Variants in AGFG2 observed in about 807,000 individuals in gnomAD.
The protein encoded by AGFG2 is arf-GAP domain and FG repeat-containing protein 2.
In AGFG2, 31 loss-of-function variants were observed where a neutral mutation model predicts 48.0. That is an observed-to-expected ratio of 0.65 (90% CI 0.49 to 0.87). The LOEUF is 0.87. AGFG2 is among the 40% of genes least tolerant of loss of function. The pLI, the probability that AGFG2 is intolerant of heterozygous loss-of-function variation, is 0.00. For missense variants in AGFG2, 599 were observed against 632.6 expected (o/e 0.95, Z 0.57); for synonymous variants, 229 against 260.8 (o/e 0.88, Z 1.18).
chr7:100,548,824 G>C lies in AGFG2; in HGVS notation c.224G>C (p.Arg75Thr), dbSNP rs754702167. The part of the protein sequence containing the change: ...FVCTTCSGLL[R>T]GLNPPHRVKS... ...TTCTTCCTGTTTCTCTCCCATAGGAGAGGGCTGAACCCCCCTCATCGTGTC... is the reference window on the plus strand; with the variant it reads ...TTCTTCCTGTTTCTCTCCCATAGGACAGGGCTGAACCCCCCTCATCGTGTC... Residue 75 changes from arginine to threonine, a missense_variant and splice_region_variant, in exon 2 of 12, where the codon AGA (arginine) becomes ACA (threonine). Physicochemically the swap from Arg to Thr is moderately conservative, Grantham distance 71. Coordinates refer to ENST00000300176, the MANE Select transcript of AGFG2 (RefSeq NM_006076.5). 4.3e-6 allele frequency: 7 copies of C among 1,612,156 alleles called. No individual in the cohort carries two copies. The highest frequency in any genetic ancestry group is 5.9e-6 in the Non-Finnish European group (7 of 1,178,520).
At chr7:100,543,996 T>C (rs1013010867) in intron 1 of AGFG2, among the ~76,000 whole-genome samples, 1 of 152,236 alleles carries the variant, frequency 6.6e-6, no homozygotes, top group Non-Finnish European at 1.5e-5. Context: ...GTCATTTGAA[T>C]CTTAAGACGT....
At position 100,559,395 on chromosome 7, in the gene AGFG2, G is replaced by A. The variant is rs552843460; in HGVS notation, c.878-2864G>A. ...AGAGAGGAGATTTTGAGAGGTGGGT[G>A]TCTCTTCTGACAAACCTGCTTTTAT... On this transcript the variant is annotated intron_variant, in intron 6 of 11. Coordinates refer to ENST00000300176, the MANE Select transcript of AGFG2 (RefSeq NM_006076.5). Among the ~76,000 whole-genome samples the A allele has an allele frequency of 2.0e-4, 31 of 152,266 alleles. No homozygotes were observed. The South Asian group carries it at 6.4e-3, about 32-fold the overall frequency.
chr7:100,562,891 CGCCCAGTCCCCGCT>C lies in AGFG2; in HGVS notation c.1120_1133del (p.Gln374PhefsTer184). The C allele has an allele frequency of 6.2e-7, 1 of 1,614,158 alleles. No homozygotes were observed. The highest frequency in any genetic ancestry group is 8.5e-7 in the Non-Finnish European group (1 of 1,180,014). ...TCACTAACCCTTTCACAGCTCCCGC[CGCCCAGTCCCCGCT>C]GCCTTCCACCAACCCGTTCCAGCCC... On this transcript the variant is annotated frameshift_variant, in exon 9 of 12. Transcript: ENST00000300176. LOFTEE classifies it high-confidence loss of function. The surrounding 1 kb of genome is among the most constrained non-coding windows in gnomAD (Gnocchi z 5.4).
intron 4 of AGFG2, among the ~76,000 whole-genome samples, chr7:100,553,801 G>A (rs1283550943): frequency 6.6e-6 from 1 of 152,224 alleles, no homozygotes; most frequent in Admixed American, 6.5e-5. Context: ...GAAGGTTGAG[G>A]AGTAACAGCC....
At position 100,565,428 on chromosome 7, in the gene AGFG2, G is replaced by A. The variant is rs1011291305; in HGVS notation, c.*437G>A. The stretch of plus-strand genomic sequence containing the variant: ...TCCTGAGACCCAGAAGGCCCAGGTG[G>A]CCCAAGTGCTCTTGGTGGCCCAGCT... On this transcript the variant is annotated 3_prime_UTR_variant, in exon 12 of 12. Coordinates refer to ENST00000300176, the MANE Select transcript of AGFG2 (RefSeq NM_006076.5). The A allele has an allele frequency of 1.2e-5, 2 of 162,030 alleles. No homozygotes were observed. Among genetic ancestry groups the A allele is most frequent in the African/African-American group, 4.8e-5 (2 of 41,604 alleles). 10.0% of individuals were successfully genotyped at this position (162,030 alleles called of 1,614,324 possible). A position where few individuals can be genotyped will look rare whatever the true frequency, so the allele number is the denominator to read the frequency against.
At chr7:100,548,683 G>C (rs1319923215) in intron 1 of AGFG2, 139 bp from the exon 2 acceptor site, 3 of 610,832 alleles carry the variant, frequency 4.9e-6, no homozygotes, top group Non-Finnish European at 5.9e-6. Flanking sequence ...TTAGGAAGTA[G>C]CTTCAGATGG....
intron 6 of AGFG2, 143 bp downstream of exon 6, chr7:100,555,878 A>G (rs1800750794): frequency 8.4e-7 from 1 of 1,191,014 alleles, no homozygotes; most frequent in Admixed American, 2.3e-5. Context: ...GGAGAGGATG[A>G]GCGTGTCTGA....
intron 1 of AGFG2, among the ~76,000 whole-genome samples, chr7:100,547,216 G>T (rs1800529666): frequency 8.1e-6 from 1 of 123,902 alleles, no homozygotes; most frequent in Non-Finnish European, 1.6e-5. Flanking sequence ...TGTTCTCCCA[G>T]ACTTGGCAGG....
intron 6 of AGFG2, among the ~76,000 whole-genome samples, chr7:100,559,924 AC>A (rs1800830646): frequency 6.6e-6 from 1 of 152,030 alleles, no homozygotes; most frequent in Non-Finnish European, 1.5e-5. Context: ...CAAAGGGCCA[AC>A]CCTGCCTGGG....
At chr7:100,554,315 G>A (rs1286121819) in intron 5 of AGFG2, 57 bp downstream of exon 5, 5 of 1,535,918 alleles carry the variant, frequency 3.3e-6, no homozygotes, top group Non-Finnish European at 4.4e-6. Flanking sequence ...CAACATGAGA[G>A]ATCCAGTCCC....
rs1013542495 is a variant in AGFG2, at chr7:100,562,477, C to T, written c.998+98C>T. The T allele has an allele frequency of 4.4e-6, 7 of 1,596,974 alleles. No homozygotes were observed. In the Admixed American group the frequency reaches 8.6e-5, roughly 20 times the overall value. ...CCCATCGGCATCTCCTGGCAGTTCT[C>T]CCCTCCCCTCCTCTCCCTTACTCAC... On this transcript the variant is annotated intron_variant, in intron 7 of 11. Coordinates refer to ENST00000300176, the MANE Select transcript of AGFG2 (RefSeq NM_006076.5). The surrounding 1 kb of genome is among the most constrained non-coding windows in gnomAD (Gnocchi z 5.4).
chr7:100,546,163 C>G (rs1384439586), intron 1 of AGFG2, among the ~76,000 whole-genome samples: 1 of 148,956 alleles, frequency 6.7e-6, no homozygotes, highest in East Asian at 2.0e-4. Context: ...GTCTGCCGCC[C>G]CCCCCGCCCG....
chr7:100,546,176 A>AC (rs1364890351), intron 1 of AGFG2, among the ~76,000 whole-genome samples: 3 of 62,188 alleles, frequency 4.8e-5, no homozygotes, highest in African/African-American at 1.2e-4. Flanking sequence ...CCCGCCCGCC[A>AC]CCCCCACCAA....
chr7:100,548,782 C>T, intron 1 of AGFG2, 40 bp from the exon 2 acceptor site: 1 of 1,509,972 alleles, frequency 6.6e-7, no homozygotes, highest in South Asian at 1.1e-5. Flanking sequence ...GCCATGCTAA[C>T]TGCATTATAC....
intron 1 of AGFG2, among the ~76,000 whole-genome samples, chr7:100,540,785 A>G (rs547953263): frequency 5.6e-4 from 85 of 152,068 alleles, no homozygotes; most frequent in Non-Finnish European, 1.1e-3. Context: ...AGGCCGAGGC[A>G]GGCAGATCAT....
intron 6 of AGFG2, among the ~76,000 whole-genome samples, chr7:100,558,336 T>C (rs986372590): frequency 1.3e-5 from 2 of 152,194 alleles, no homozygotes; most frequent in Admixed American, 6.5e-5. Context: ...GCCAGTATTA[T>C]GTGGGGGAAA....
Position 100,550,437 on chromosome 7 carries a change from A to G in AGFG2, c.357A>G (p.Thr119=), listed in dbSNP as rs375827427. 5.9e-5 allele frequency: 96 copies of G among 1,613,866 alleles called. No homozygotes were observed. Among genetic ancestry groups the G allele is most frequent in the Non-Finnish European group, 7.8e-5 (92 of 1,180,014 alleles). The stretch of plus-strand genomic sequence containing the variant: ...GGTTGGGTCTGTTTGATGCTCGGAC[A>G]TCTTTAGTACCAGATTCCAGGGATC... ...KIWLGLFDAR[T]SLVPDSRDPQ... Residue 119 remains threonine (T), a synonymous_variant, in exon 3 of 12, where the codon ACA becomes ACG. Transcript: ENST00000300176.
At chr7:100,563,040 T>C in intron 9 of AGFG2, 94 bp downstream of exon 9, 1 of 1,276,926 alleles carries the variant, frequency 7.8e-7, no homozygotes, top group South Asian at 1.3e-5. Context: ...TGTCTCACGC[T>C]GTCAGGAGAA....
chr7:100,544,914 A>T (rs922094866), intron 1 of AGFG2, among the ~76,000 whole-genome samples: 1 of 152,176 alleles, frequency 6.6e-6, no homozygotes, highest in African/African-American at 2.4e-5. Context: ...GTTGAAGCAG[A>T]ATTTAGATCA....
Sources: allele counts gnomAD v4.1 joint callset (sites outside exome capture counted in the v4.1 genomes callset), GRCh38; gene constraint gnomAD v4.1.1; non-coding constraint Gnocchi (gnomAD v3.1); transcripts MANE v1.5; gene names NCBI Gene and HGNC (gene_info 2026-07-23, HGNC 2026-07-21).